Variants in SNTB1 observed in about 807,000 individuals in gnomAD.
The protein encoded by SNTB1 is beta-1-syntrophin.
SNTB1 carries 36 observed loss-of-function variants against 48.9 expected under a neutral mutation model. The observed-to-expected ratio is 0.74, with a 90% CI of 0.56 to 0.97. SNTB1 has a LOEUF of 0.97. Ranked by LOEUF, SNTB1 falls within the 50% of genes least tolerant of loss-of-function variation. The pLI is 0.00. For synonymous variants in SNTB1, 299 were observed against 294.6 expected, an observed-to-expected ratio of 1.01 and a Z score of -0.15; for missense variants, 786 against 703.4, an observed-to-expected ratio of 1.12 and a Z score of -1.33.
intron 1 of SNTB1, among the ~76,000 whole-genome samples, chr8:120,808,856 C>T (rs1328041788): frequency 6.6e-6 from 1 of 152,104 alleles, no homozygotes; most frequent in African/African-American, 2.4e-5. Context: ...AAACTAATCT[C>T]CATTTACTCC....
intron 1 of SNTB1, among the ~76,000 whole-genome samples, chr8:120,708,089 C>T (rs962728542): frequency 6.6e-6 from 1 of 151,520 alleles, no homozygotes; most frequent in African/African-American, 2.4e-5. Flanking sequence ...GGGGAAATGA[C>T]ATCAGATATA....
At chr8:120,544,397 G>A (rs1815343317) in intron 5 of SNTB1, among the ~76,000 whole-genome samples, 1 of 152,128 alleles carries the variant, frequency 6.6e-6, no homozygotes, top group Non-Finnish European at 1.5e-5. Flanking sequence ...ACATTATCAA[G>A]TTAATTGAAG....
chr8:120,638,011 G>GT (rs1165529071), intron 2 of SNTB1: 1 of 174,866 alleles, frequency 5.7e-6, no homozygotes, highest in Non-Finnish European at 1.3e-5. Context: ...AACACCAACA[G>GT]TAACAATGTA....
At chr8:120,664,817 A>G (rs899970953) in intron 2 of SNTB1, among the ~76,000 whole-genome samples, 2 of 152,192 alleles carry the variant, frequency 1.3e-5, no homozygotes, top group African/African-American at 4.8e-5. Flanking sequence ...CTCATATGGT[A>G]GGTGTGCCTT....
At chr8:120,542,534 T>G (rs754975848) in intron 5 of SNTB1, among the ~76,000 whole-genome samples, 8 of 152,062 alleles carry the variant, frequency 5.3e-5, no homozygotes, top group Non-Finnish European at 8.8e-5. Context: ...TGTGCCTGTA[T>G]TCCCAGCTAC....
intron 1 of SNTB1, among the ~76,000 whole-genome samples, chr8:120,784,567 C>A (rs776288204): frequency 2.0e-5 from 3 of 152,102 alleles, no homozygotes; most frequent in Non-Finnish European, 4.4e-5. Flanking sequence ...AGACACCTGA[C>A]CCGAGCCACA....
At chr8:120,665,080 A>G (rs1817652199) in intron 2 of SNTB1, among the ~76,000 whole-genome samples, 1 of 152,206 alleles carries the variant, frequency 6.6e-6, no homozygotes, top group Non-Finnish European at 1.5e-5. Context: ...TTCTAAGATC[A>G]AGTGTCTGTA....
At chr8:120,716,089 G>T (rs1818550609) in intron 1 of SNTB1, among the ~76,000 whole-genome samples, 1 of 152,186 alleles carries the variant, frequency 6.6e-6, no homozygotes, top group Non-Finnish European at 1.5e-5. Flanking sequence ...CCTTCTTAGG[G>T]GAAGAAACTC....
chr8:120,637,788 T>G (rs993248865), intron 2 of SNTB1: 3 of 337,144 alleles, frequency 8.9e-6, no homozygotes, highest in Admixed American at 3.7e-5. Flanking sequence ...CATTCTTCTC[T>G]ACATGGACTT....
chr8:120,609,888 C>A (rs1816592590), intron 3 of SNTB1, among the ~76,000 whole-genome samples: 1 of 152,112 alleles, frequency 6.6e-6, no homozygotes, highest in Non-Finnish European at 1.5e-5. Flanking sequence ...TTCCTGGGAA[C>A]CATAGCATAG....
chr8:120,647,673 C>G (rs1489150684), intron 2 of SNTB1, among the ~76,000 whole-genome samples: 6 of 125,670 alleles, frequency 4.8e-5, no homozygotes, highest in Non-Finnish European at 6.7e-5. Flanking sequence ...CTGTAGATGT[C>G]TATTAGGTCC....
rs187623543 is a variant in SNTB1 at position 120,625,591 on chromosome 8, T to C, written c.996+6853A>G. 2.1e-3 allele frequency among the ~76,000 whole-genome samples: 319 copies of C among 152,362 alleles called. 2 individuals are homozygous for C. Among genetic ancestry groups the C allele is most frequent in the Non-Finnish European group, 3.9e-3 (268 of 68,038 alleles). On this transcript the variant is annotated intron_variant, in intron 3 of 6. Coordinates refer to ENST00000517992, the MANE Select transcript of SNTB1 (RefSeq NM_021021.4). ...GAGGCAATCTGAATGAAATTCATAC[T>C]GGCACATTTAGTTTAAACACTTGTA... is the stretch of plus-strand genomic sequence containing the variant.
intron 2 of SNTB1, among the ~76,000 whole-genome samples, chr8:120,677,326 T>C (rs1733775132): frequency 6.6e-6 from 1 of 152,224 alleles, no homozygotes; most frequent in South Asian, 2.1e-4. Flanking sequence ...GGAAAGCTTC[T>C]ACACTTTCTT....
chr8:120,636,731 G>C (rs1427949612), intron 2 of SNTB1: 2 of 152,166 alleles, frequency 1.3e-5, no homozygotes, highest in Non-Finnish European at 2.9e-5. Flanking sequence ...ATAGCAGCAT[G>C]ATTTATAATC....
At chr8:120,627,752 G>A (rs1408730646) in intron 3 of SNTB1, among the ~76,000 whole-genome samples, 3 of 152,118 alleles carry the variant, frequency 2.0e-5, no homozygotes, top group South Asian at 4.2e-4. Context: ...TTTGGTCTGC[G>A]ATACTGCTCT....
At chr8:120,586,741 C>A (rs1292542232) in intron 3 of SNTB1, among the ~76,000 whole-genome samples, 1 of 152,120 alleles carries the variant, frequency 6.6e-6, no homozygotes, top group Non-Finnish European at 1.5e-5. Flanking sequence ...CCTCAGTTGG[C>A]AACGAGTTTA....
intron 1 of SNTB1, among the ~76,000 whole-genome samples, chr8:120,732,059 G>T (rs754611916): frequency 2.0e-5 from 3 of 152,278 alleles, no homozygotes; most frequent in Admixed American, 6.5e-5. Context: ...CTCCATGAGG[G>T]TATGAAAATT....
intron 3 of SNTB1, among the ~76,000 whole-genome samples, chr8:120,611,899 G>A (rs1381625194): frequency 2.0e-5 from 3 of 150,792 alleles, no homozygotes. Context: ...AGTACTCTCA[G>A]TATTACTTAT....
chr8:120,799,061 G>A (rs1462937122), intron 1 of SNTB1, among the ~76,000 whole-genome samples: 1 of 152,008 alleles, frequency 6.6e-6, no homozygotes, highest in Non-Finnish European at 1.5e-5. Flanking sequence ...GATGGCTGGA[G>A]AGTTGGTAAA....
Sources: allele counts gnomAD v4.1 joint callset (sites outside exome capture counted in the v4.1 genomes callset), GRCh38; gene constraint gnomAD v4.1.1; transcripts MANE v1.5; gene names NCBI Gene and HGNC (gene_info 2026-07-23, HGNC 2026-07-21).